The following CDH11 variants were observed in gnomAD, a reference collection of about 807,000 sequenced individuals.
CDH11 encodes cadherin-11.
In CDH11, 11 loss-of-function variants were observed where a neutral mutation model predicts 67.8. The observed-to-expected ratio is 0.16, with a 90% confidence interval of 0.10 to 0.27. The LOEUF (loss-of-function observed/expected upper bound fraction) is 0.27, where lower values mean the gene tolerates loss of function less well. Among genes scored for constraint, CDH11 ranks in the 10% least tolerant of loss-of-function variants. The probability of loss-of-function intolerance (pLI) is 1.00; values close to 1 mark genes in which losing one functional copy is unlikely to be tolerated. For synonymous variants in CDH11, 419 were observed against 400.0 expected, an observed-to-expected ratio of 1.05 and a Z score of -0.57; for missense variants, 847 against 1,031.2, an observed-to-expected ratio of 0.82 and a Z score of 2.45.
At chr16:64,964,283 C>A (rs2071751540) in intron 11 of CDH11, among the ~76,000 whole-genome samples, 1 of 152,138 alleles carries the variant, frequency 6.6e-6, no homozygotes. Flanking sequence ...ATGGCACAGC[C>A]TATTGCTCCT....
intron 11 of CDH11, among the ~76,000 whole-genome samples, chr16:64,955,265 C>T (rs934210707): frequency 6.6e-5 from 10 of 151,666 alleles, no homozygotes; most frequent in African/African-American, 2.2e-4. Flanking sequence ...AAAATAAAAA[C>T]AACAACAACA....
At chr16:64,973,488 C>T (rs1174021480) in intron 8 of CDH11, among the ~76,000 whole-genome samples, 1 of 152,038 alleles carries the variant, frequency 6.6e-6, no homozygotes, top group Admixed American at 6.6e-5. Context: ...CATGTATAGA[C>T]CTAAAAATCA....
intron 1 of CDH11, among the ~76,000 whole-genome samples, chr16:65,111,631 C>T (rs970043205): frequency 5.3e-5 from 8 of 149,796 alleles, no homozygotes; most frequent in African/African-American, 2.0e-4. Context: ...AGTCTAGCTG[C>T]CTAGATTTCT....
chr16:65,000,674 T>G (rs1405429857), intron 3 of CDH11, among the ~76,000 whole-genome samples: 1 of 151,980 alleles, frequency 6.6e-6, no homozygotes, highest in African/African-American at 2.4e-5. Flanking sequence ...CCAGGCATGA[T>G]AGCTTGCACC....
At chr16:64,973,361 A>T (rs571959690) in intron 8 of CDH11, among the ~76,000 whole-genome samples, 1 of 152,334 alleles carries the variant, frequency 6.6e-6, no homozygotes, top group African/African-American at 2.4e-5. Flanking sequence ...CTGCATTTGG[A>T]AAGTGAGTTT....
intron 11 of CDH11, among the ~76,000 whole-genome samples, chr16:64,967,681 T>C (rs2071879608): frequency 6.6e-6 from 1 of 152,156 alleles, no homozygotes; most frequent in African/African-American, 2.4e-5. Context: ...TATTTCACAG[T>C]TGCTTTTCTT....
At chr16:64,959,194 T>C (rs2071604539) in intron 11 of CDH11, among the ~76,000 whole-genome samples, 2 of 152,200 alleles carry the variant, frequency 1.3e-5, no homozygotes, top group African/African-American at 4.8e-5. Context: ...AAGAGTAACA[T>C]GATAGAAATA....
chr16:65,055,657 C>G (rs1271823847), intron 1 of CDH11, among the ~76,000 whole-genome samples: 1 of 152,252 alleles, frequency 6.6e-6, no homozygotes, highest in African/African-American at 2.4e-5. Flanking sequence ...TTCACCCATA[C>G]TTATTTAGAT....
At chr16:64,960,199 G>A (rs1270753969) in intron 11 of CDH11, among the ~76,000 whole-genome samples, 1 of 152,074 alleles carries the variant, frequency 6.6e-6, no homozygotes, top group East Asian at 1.9e-4. Flanking sequence ...CTGGGTGATG[G>A]GGTACTGACT....
At chr16:65,104,920 T>C (rs1000081271) in intron 1 of CDH11, among the ~76,000 whole-genome samples, 1 of 152,196 alleles carries the variant, frequency 6.6e-6, no homozygotes, top group African/African-American at 2.4e-5. Flanking sequence ...TTCATAAGAA[T>C]TAAATATTTG....
In CDH11 at chr16:64,945,072, A is replaced by G. The variant is rs1331979283; in HGVS notation, c.*2531T>C. On this transcript the variant is annotated 3_prime_UTR_variant, in exon 13 of 13. Coordinates refer to ENST00000268603, the MANE Select transcript of CDH11 (RefSeq NM_001797.4). ...CAATGAATGAATGATGACTAGAAACAATAACCATTACTTGAGGAAAAGAAC... is the reference window on the plus strand; with the variant it reads ...CAATGAATGAATGATGACTAGAAACGATAACCATTACTTGAGGAAAAGAAC... The G allele has an allele frequency of 4.9e-6, 1 of 205,314 alleles. No homozygotes were observed. The highest frequency in any genetic ancestry group is 2.3e-5 in the African/African-American group (1 of 43,888). The allele number at this position is 205,314 out of a possible 1,614,324, so 12.7% of individuals were successfully genotyped here.
chr16:64,981,097 C>CTTTTTTTTTTTTTTTTTTT (rs71376752), intron 8 of CDH11: 1 of 116,468 alleles, frequency 8.6e-6, no homozygotes, highest in African/African-American at 3.8e-5. Context: ...TTCTTTCTTT[C>CTTTTTTTTTTTTTTTTTTT]TTTTTTTTTT....
In CDH11 at chr16:65,054,068, A is replaced by G. The variant is rs1385412310; in HGVS notation, c.-297-140T>C. 8 of 354,644 alleles carry G rather than the reference A, an allele frequency of 2.3e-5. No homozygotes were observed. The Admixed American group carries it at 2.9e-4, about 13-fold the overall frequency. The allele number at this position is 354,644 out of a possible 1,614,324, so 22.0% of individuals were successfully genotyped here. ...GGTGTGCAAAGAGAGAGAGAAACAA[A>G]TTACTAAAATTACGTGAAAAGTGGG... On this transcript the variant is annotated intron_variant, in intron 1 of 12. Transcript: ENST00000268603.
intron 2 of CDH11, among the ~76,000 whole-genome samples, chr16:65,023,956 G>A (rs532212331): frequency 9.9e-4 from 151 of 152,220 alleles, no homozygotes; most frequent in Non-Finnish European, 1.8e-3. Flanking sequence ...GACTAAGGAT[G>A]CCTGAACTCC....
intron 7 of CDH11, chr16:64,982,505 G>A: frequency 5.3e-6 from 3 of 568,816 alleles, no homozygotes; most frequent in East Asian, 2.9e-5. Context: ...TGGGTCATTC[G>A]AAGAGCACAA....
intron 1 of CDH11, among the ~76,000 whole-genome samples, chr16:65,085,861 G>A (rs549003134): frequency 2.0e-4 from 31 of 152,294 alleles, no homozygotes; most frequent in African/African-American, 7.5e-4. Flanking sequence ...GTGAAAGGAA[G>A]GTACTATCCT....
chr16:65,027,756 A>G (rs1314137630), intron 2 of CDH11, among the ~76,000 whole-genome samples: 1 of 152,154 alleles, frequency 6.6e-6, no homozygotes, highest in Non-Finnish European at 1.5e-5. Flanking sequence ...CAACCATGAC[A>G]TTGGCTTGGA....
intron 1 of CDH11, among the ~76,000 whole-genome samples, chr16:65,114,132 A>T (rs2075204236): frequency 6.6e-6 from 1 of 152,096 alleles, no homozygotes. Context: ...TCACCTGTTC[A>T]CCTCCTGGGT....
At chr16:64,993,283 A>G (rs1364352797) in intron 4 of CDH11, among the ~76,000 whole-genome samples, 1 of 151,636 alleles carries the variant, frequency 6.6e-6, no homozygotes, top group Non-Finnish European at 1.5e-5. Context: ...CTGTATTTAT[A>G]GTACATCCTA....
Sources: gnomAD v4.1 joint callset for allele counts (sites outside exome capture counted in the v4.1 genomes callset) on GRCh38, gnomAD v4.1.1 for gene constraint, MANE v1.5 for transcripts, NCBI Gene and HGNC (gene_info 2026-07-23, HGNC 2026-07-21) for gene names.